The following MRPL37 variants were observed in gnomAD, a reference collection of about 807,000 sequenced individuals.
MRPL37 encodes large ribosomal subunit protein mL37.
Under a neutral mutation model 44.1 loss-of-function variants are expected in MRPL37, and 34 were observed. The ratio of observed to expected loss-of-function variants is 0.77; its 90% CI spans 0.59 to 1.03. MRPL37 has a LOEUF of 1.03. Ranked by LOEUF, MRPL37 falls within the 50% of genes least tolerant of loss-of-function variation. The pLI, the probability that MRPL37 is intolerant of heterozygous loss-of-function variation, is 0.00. For synonymous variants in MRPL37, 212 were observed against 219.5 expected, an observed-to-expected ratio of 0.97 and a Z score of 0.30; for missense variants, 532 against 543.7, an observed-to-expected ratio of 0.98 and a Z score of 0.21.
At chr1:54,210,238 T>A in intron 4 of MRPL37, 107 bp downstream of exon 4, 1 of 1,054,592 alleles carries the variant, frequency 9.5e-7, no homozygotes, top group Non-Finnish European at 1.4e-6. Flanking sequence ...GCACCTCGTG[T>A]GTATTACCTA....
intron 1 of MRPL37, 138 bp downstream of exon 1, chr1:54,200,727 C>T: frequency 1.0e-6 from 1 of 965,274 alleles, no homozygotes; most frequent in South Asian, 1.7e-5. Context: ...GTAGTGATTC[C>T]CGTCTTCTGA....
chr1:54,203,960 A>T (rs1347843407), intron 1 of MRPL37, among the ~76,000 whole-genome samples: 1 of 152,246 alleles, frequency 6.6e-6, no homozygotes, highest in Non-Finnish European at 1.5e-5. Flanking sequence ...GCTCTAGCAG[A>T]GTTGAGTAGT....
downstream of MRPL37, among the ~76,000 whole-genome samples, chr1:54,223,165 AC>A (rs1280939249): frequency 6.6e-6 from 1 of 151,592 alleles, no homozygotes; most frequent in African/African-American, 2.4e-5. Context: ...TTTACATCCA[AC>A]CCCCAGCCCC....
At chr1:54,211,313 C>T (rs1016245474) in intron 4 of MRPL37, among the ~76,000 whole-genome samples, 2 of 152,120 alleles carry the variant, frequency 1.3e-5, no homozygotes, top group African/African-American at 4.8e-5. Flanking sequence ...GTGAGCTCCT[C>T]AAAGGCAGTG....
At chr1:54,221,641 C>G (rs1644234670), downstream of MRPL37, among the ~76,000 whole-genome samples, 2 of 152,288 alleles carry the variant, frequency 1.3e-5, no homozygotes, top group Admixed American at 6.5e-5. Flanking sequence ...TGCATACAGG[C>G]ACATCACACT....
downstream of MRPL37, among the ~76,000 whole-genome samples, chr1:54,219,627 G>T (rs1390221587): frequency 6.6e-6 from 1 of 152,136 alleles, no homozygotes; most frequent in Non-Finnish European, 1.5e-5. Flanking sequence ...TTACAGACAG[G>T]AAACAATTAT....
chr1:54,202,869 A>G (rs1264101119), intron 1 of MRPL37, among the ~76,000 whole-genome samples: 2 of 152,208 alleles, frequency 1.3e-5, no homozygotes, highest in Non-Finnish European at 2.9e-5. Context: ...TCTGCCAACC[A>G]AGGCAGCCAG....
intron 3 of MRPL37, among the ~76,000 whole-genome samples, chr1:54,205,674 G>A (rs1388576471): frequency 6.6e-6 from 1 of 152,210 alleles, no homozygotes; most frequent in Admixed American, 6.5e-5. Flanking sequence ...CTTGGGAAGT[G>A]CCTAAATGTT....
At chr1:54,224,792 A>C (rs1310994839), downstream of MRPL37, among the ~76,000 whole-genome samples, 3 of 152,148 alleles carry the variant, frequency 2.0e-5, no homozygotes, top group Non-Finnish European at 4.4e-5. Flanking sequence ...TCTTGCCTAA[A>C]TGTCGTCTGG....
intron 3 of MRPL37, 148 bp downstream of exon 3, chr1:54,205,558 C>A (rs1443953276): frequency 2.1e-5 from 14 of 651,586 alleles, no homozygotes; most frequent in Non-Finnish European, 3.7e-5. Flanking sequence ...CAGACACACC[C>A]TCAGTATCAT....
chr1:54,220,821 CGA>C (rs1557736221), downstream of MRPL37: 1 of 468,956 alleles, frequency 2.1e-6, no homozygotes, highest in Non-Finnish European at 4.4e-6. Context: ...CGAAACCCCA[CGA>C]GAGGAACTTC....
Position 54,209,940 on chromosome 1 carries a change from T to C in MRPL37, c.647-6T>C. Reference sequence around the variant, plus strand: ...AGGTTAGAGTAACCATTTTTCTCCCTTTTAGAGTCTCTTCTCCTTCAAGTC... The same window carrying C: ...AGGTTAGAGTAACCATTTTTCTCCCCTTTAGAGTCTCTTCTCCTTCAAGTC... On this transcript the variant is annotated splice_polypyrimidine_tract_variant and splice_region_variant and intron_variant, in intron 3 of 6. Transcript: ENST00000360840. 1 of 1,613,744 alleles carries C rather than the reference T, an allele frequency of 6.2e-7. No homozygotes were observed. Among genetic ancestry groups the C allele is most frequent in the Non-Finnish European group, 8.5e-7 (1 of 1,179,808 alleles).
intron 3 of MRPL37, among the ~76,000 whole-genome samples, chr1:54,205,783 G>A (rs547208631): frequency 3.0e-4 from 46 of 152,184 alleles, no homozygotes; most frequent in Middle Eastern, 3.4e-3. Flanking sequence ...CACCTCTCTC[G>A]TCTTCCAAAT....
chr1:54,203,006 C>G (rs914971863), intron 1 of MRPL37, among the ~76,000 whole-genome samples: 3 of 152,154 alleles, frequency 2.0e-5, no homozygotes, highest in Non-Finnish European at 4.4e-5. Context: ...GCATGTTCCT[C>G]CCTTAGAGAA....
chr1:54,206,742 T>TC (rs1644125643), intron 3 of MRPL37, among the ~76,000 whole-genome samples: 3 of 143,328 alleles, frequency 2.1e-5, no homozygotes, highest in Admixed American at 1.4e-4. Flanking sequence ...TTTTCTTTTC[T>TC]TTTTTTTTTT....
intron 4 of MRPL37, among the ~76,000 whole-genome samples, chr1:54,211,988 G>T (rs1385629021): frequency 6.6e-6 from 1 of 152,354 alleles, no homozygotes; most frequent in Non-Finnish European, 1.5e-5. Flanking sequence ...AGTTGTGAAT[G>T]ATGAGGCAAG....
At chr1:54,204,574 A>C (rs1292286254) in intron 1 of MRPL37, among the ~76,000 whole-genome samples, 1 of 152,232 alleles carries the variant, frequency 6.6e-6, no homozygotes, top group East Asian at 1.9e-4. Context: ...ACCCACACCT[A>C]ATAATAATGA....
At chr1:54,203,964 G>A (rs932665764) in intron 1 of MRPL37, among the ~76,000 whole-genome samples, 9 of 152,224 alleles carry the variant, frequency 5.9e-5, no homozygotes, top group Non-Finnish European at 1.2e-4. Flanking sequence ...TAGCAGAGTT[G>A]AGTAGTTGTG....
intron 1 of MRPL37, among the ~76,000 whole-genome samples, chr1:54,201,614 A>C (rs1325154133): frequency 6.6e-6 from 1 of 152,216 alleles, no homozygotes; most frequent in Middle Eastern, 3.2e-3. Context: ...GCTGTAATAA[A>C]ACTCTGCAGG....
Sources: gnomAD v4.1 joint callset for allele counts (sites outside exome capture counted in the v4.1 genomes callset) on GRCh38, gnomAD v4.1.1 for gene constraint, MANE v1.5 for transcripts, NCBI Gene and HGNC (gene_info 2026-07-23, HGNC 2026-07-21) for gene names.